Variants in EXOC6B observed in about 807,000 individuals in gnomAD.
EXOC6B encodes the protein SEC15 homolog B.
A neutral mutation model predicts 113.5 loss-of-function variants in EXOC6B; 54 were observed. That is an observed-to-expected ratio of 0.48 (90% CI 0.38 to 0.60). EXOC6B has a LOEUF of 0.60. Among genes scored for constraint, EXOC6B ranks in the 20% least tolerant of loss-of-function variants. EXOC6B has a pLI of 0.00. For synonymous variants in EXOC6B, 357 were observed against 339.0 expected (o/e 1.05, Z -0.58); for missense variants, 797 against 977.5 (o/e 0.82, Z 2.46).
In EXOC6B at chr2:72,330,389, A is replaced by G. The variant is rs565592609; in HGVS notation, c.2196+4558T>C. Reference sequence around the variant, plus strand: ...TGAGGAAGACAAACAACAAAAAATAATATGAGAAATTAAGAAATGGGGATT... The same window carrying G: ...TGAGGAAGACAAACAACAAAAAATAGTATGAGAAATTAAGAAATGGGGATT... On this transcript the variant is annotated intron_variant, in intron 20 of 21. Coordinates refer to ENST00000272427, the MANE Select transcript of EXOC6B (RefSeq NM_015189.3). 2.6e-5 allele frequency among the ~76,000 whole-genome samples: 4 copies of G among 152,234 alleles called. No homozygotes were observed. The South Asian group carries it at 8.3e-4, about 32-fold the overall frequency.
chr2:72,332,111 T>A (rs773272827), intron 20 of EXOC6B, among the ~76,000 whole-genome samples: 2 of 137,720 alleles, frequency 1.5e-5, no homozygotes, highest in Non-Finnish European at 3.0e-5. Context: ...TAAAAGAATA[T>A]CCTTGCTGCA....
chr2:72,184,215 G>C, intron 20 of EXOC6B, 28 bp from the exon 21 acceptor site: 1 of 1,254,870 alleles, frequency 8.0e-7, no homozygotes, highest in South Asian at 1.3e-5. Context: ...CCCACCCCAG[G>C]GATTAGTCAG....
Position 72,312,717 on chromosome 2 carries a change from T to C in EXOC6B, c.2196+22230A>G, listed in dbSNP as rs1165757110. 2.0e-5 allele frequency among the ~76,000 whole-genome samples: 3 copies of C among 150,238 alleles called. No homozygotes were observed. In the East Asian group the frequency reaches 5.9e-4, roughly 30 times the overall value. On this transcript the variant is annotated intron_variant, in intron 20 of 21. Coordinates refer to ENST00000272427, the MANE Select transcript of EXOC6B (RefSeq NM_015189.3). ...TTGCAGTGAGCTGCGATCGCGCCAT[T>C]GCACTCCAGCCTGGGCAACAAGAGC...
At chr2:72,313,243 A>G (rs908811734) in intron 20 of EXOC6B, among the ~76,000 whole-genome samples, 1 of 152,156 alleles carries the variant, frequency 6.6e-6, no homozygotes, top group African/African-American at 2.4e-5. Context: ...ATGAGAAAGG[A>G]TCAGGAAAAA....
intron 20 of EXOC6B, among the ~76,000 whole-genome samples, chr2:72,200,777 G>A (rs935187230): frequency 2.0e-5 from 3 of 152,100 alleles, no homozygotes; most frequent in Admixed American, 2.0e-4. Flanking sequence ...TAGTACACAG[G>A]TCAGGTGCCT....
intron 18 of EXOC6B, chr2:72,463,088 A>C (rs1443904886): frequency 6.6e-6 from 1 of 152,168 alleles, no homozygotes; most frequent in Non-Finnish European, 1.5e-5. Flanking sequence ...TTATATTAAC[A>C]TATTTTTTTA....
chr2:72,399,221 A>G (rs2105149692), intron 18 of EXOC6B, among the ~76,000 whole-genome samples: 1 of 152,322 alleles, frequency 6.6e-6, no homozygotes, highest in African/African-American at 2.4e-5. Context: ...TCATGATAAA[A>G]AACATTCAAC....
At chr2:72,282,378 T>C (rs1008660900) in intron 20 of EXOC6B, among the ~76,000 whole-genome samples, 21 of 152,134 alleles carry the variant, frequency 1.4e-4, no homozygotes, top group African/African-American at 4.8e-4. Flanking sequence ...TAAGAATGAT[T>C]GTTGTAGAGT....
chr2:72,584,781 G>GA (rs1428138877), intron 6 of EXOC6B, among the ~76,000 whole-genome samples: 2 of 151,684 alleles, frequency 1.3e-5, no homozygotes, highest in African/African-American at 2.4e-5. Context: ...CAAATTAAAA[G>GA]AAAAAAAATT....
At chr2:72,296,913 A>T (rs983039788) in intron 20 of EXOC6B, among the ~76,000 whole-genome samples, 1 of 152,240 alleles carries the variant, frequency 6.6e-6, no homozygotes, top group Non-Finnish European at 1.5e-5. Flanking sequence ...AGAAGGAAGG[A>T]GGACAAGGAA....
Position 72,499,049 on chromosome 2 carries a change from T to G in EXOC6B, c.1240-498A>C, listed in dbSNP as rs370151550. The stretch of plus-strand genomic sequence containing the variant: ...AGAACATTTTGAAAAACTAATGTAG[T>G]CAGTAGTTCAATTAATTGATTTGAT... On this transcript the variant is annotated intron_variant, in intron 12 of 21. Coordinates refer to ENST00000272427, the MANE Select transcript of EXOC6B (RefSeq NM_015189.3). Among the ~76,000 whole-genome samples, 14 of 152,068 alleles carry G rather than the reference T, an allele frequency of 9.2e-5. No individual in the cohort carries two copies. In the East Asian group the frequency reaches 1.4e-3, roughly 15 times the overall value.
chr2:72,302,772 T>G (rs937795958), intron 20 of EXOC6B, among the ~76,000 whole-genome samples: 2 of 151,506 alleles, frequency 1.3e-5, no homozygotes, highest in Non-Finnish European at 2.9e-5. Flanking sequence ...GTCTTCTTTC[T>G]TTTTTTTTCA....
chr2:72,556,158 G>C (rs191182806), intron 8 of EXOC6B, among the ~76,000 whole-genome samples: 2 of 152,272 alleles, frequency 1.3e-5, no homozygotes, highest in Non-Finnish European at 2.9e-5. Context: ...AATGCTAAAG[G>C]CATTTTTCTT....
intron 18 of EXOC6B, among the ~76,000 whole-genome samples, chr2:72,441,498 GAAT>G (rs1696197969): frequency 6.6e-6 from 1 of 150,842 alleles, no homozygotes. Context: ...CCTTTAACTA[GAAT>G]AATAAAGAAG....
chr2:72,397,813 A>G (rs1692847151), intron 18 of EXOC6B, among the ~76,000 whole-genome samples: 1 of 152,052 alleles, frequency 6.6e-6, no homozygotes, highest in African/African-American at 2.4e-5. Flanking sequence ...AAAGGATGAG[A>G]AAGCCATCAA....
intron 5 of EXOC6B, among the ~76,000 whole-genome samples, chr2:72,727,586 C>T (rs546479615): frequency 8.5e-5 from 13 of 152,146 alleles, no homozygotes; most frequent in Non-Finnish European, 1.5e-4. Context: ...AAGCTAATGT[C>T]CATTCTCTAT....
intron 20 of EXOC6B, among the ~76,000 whole-genome samples, chr2:72,254,284 C>A (rs1350402074): frequency 1.3e-5 from 2 of 152,130 alleles, no homozygotes; most frequent in Non-Finnish European, 2.9e-5. Flanking sequence ...TGATGGGTAT[C>A]CTTAAAAGCA....
chr2:72,304,998 A>C (rs1266800890), intron 20 of EXOC6B, among the ~76,000 whole-genome samples: 1 of 152,190 alleles, frequency 6.6e-6, no homozygotes, highest in African/African-American at 2.4e-5. Flanking sequence ...TATATATCTA[A>C]AAGATCAAGA....
At chr2:72,365,755 A>G (rs540408829) in intron 19 of EXOC6B, among the ~76,000 whole-genome samples, 158 of 152,282 alleles carry the variant, frequency 1.0e-3, no homozygotes, top group African/African-American at 3.7e-3. Flanking sequence ...AGAAATGAAA[A>G]GGAAAAGAAT....
Sources: allele counts gnomAD v4.1 joint callset (sites outside exome capture counted in the v4.1 genomes callset), GRCh38; gene constraint gnomAD v4.1.1; transcripts MANE v1.5; gene names NCBI Gene and HGNC (gene_info 2026-07-23, HGNC 2026-07-21).